Variants in COMMD10 observed in about 807,000 individuals in gnomAD.
COMMD10 encodes COMM domain containing 10, also known as COMM domain-containing protein 10.
COMMD10 carries 33 observed loss-of-function variants against 28.9 expected under a neutral mutation model. The ratio of observed to expected loss-of-function variants is 1.14; its 90% CI spans 0.87 to 1.53. The LOEUF is 1.53. Among genes scored for constraint, COMMD10 ranks in the 40% most tolerant of loss-of-function variants. COMMD10 has a pLI of 0.00. For synonymous variants in COMMD10, 110 were observed against 81.7 expected (o/e 1.35, Z -1.87); for missense variants, 310 against 233.4 (o/e 1.33, Z -2.14).
chr5:116,144,488 T>G (rs1202182508), intron 5 of COMMD10, among the ~76,000 whole-genome samples: 1 of 147,514 alleles, frequency 6.8e-6, no homozygotes, highest in African/African-American at 2.7e-5. Flanking sequence ...TGCTATAATT[T>G]GAACCCAGGT....
intron 4 of COMMD10, among the ~76,000 whole-genome samples, chr5:116,121,434 G>A (rs1339564573): frequency 1.3e-5 from 2 of 152,104 alleles, no homozygotes; most frequent in Non-Finnish European, 2.9e-5. Context: ...TAGTGCCGCA[G>A]TAAACATACA....
At chr5:116,122,491 T>C (rs1038874517) in intron 4 of COMMD10, among the ~76,000 whole-genome samples, 6 of 152,242 alleles carry the variant, frequency 3.9e-5, no homozygotes, top group Admixed American at 1.3e-4. Context: ...ATATGAACTT[T>C]AAAGTAGTTT....
In COMMD10 at chr5:116,163,889, A is replaced by G. The variant is rs57670293; in HGVS notation, c.510+29711A>G. Among the ~76,000 whole-genome samples the G allele has an allele frequency of 1.2e-3, 184 of 152,164 alleles. 2 individuals carry two copies. The highest frequency in any genetic ancestry group is 3.9e-3 in the African/African-American group (160 of 41,532). On this transcript the variant is annotated intron_variant, in intron 5 of 6. Transcript: ENST00000274458. ...TTCCATTTGTGTGAAATTTATGTATATTTTTGGTTTTGTCTTGTATATGAG... is the reference window on the plus strand; with the variant it reads ...TTCCATTTGTGTGAAATTTATGTATGTTTTTGGTTTTGTCTTGTATATGAG...
chr5:116,127,200 G>C (rs556606822), intron 4 of COMMD10, among the ~76,000 whole-genome samples: 61 of 152,252 alleles, frequency 4.0e-4, no homozygotes, highest in African/African-American at 1.4e-3. Context: ...GGCCATCAGA[G>C]AAATGCAAAT....
At chr5:116,256,643 T>C (rs1750293328) in intron 5 of COMMD10, among the ~76,000 whole-genome samples, 1 of 151,832 alleles carries the variant, frequency 6.6e-6, no homozygotes, top group South Asian at 2.1e-4. Flanking sequence ...GATTTTTTCA[T>C]ATTTTGTAAT....
Position 116,150,401 on chromosome 5 carries a change from C to G in COMMD10, c.510+16223C>G, listed in dbSNP as rs28881821. Reference sequence around the variant, plus strand: ...TTTTCCAATTCTGTGAAGAAAGTCACTGGTAGCTTGATGGGGATGGCATTG... The same window carrying G: ...TTTTCCAATTCTGTGAAGAAAGTCAGTGGTAGCTTGATGGGGATGGCATTG... On this transcript the variant is annotated intron_variant, in intron 5 of 6. Coordinates refer to ENST00000274458, the MANE Select transcript of COMMD10 (RefSeq NM_016144.4). Among the ~76,000 whole-genome samples the G allele has an allele frequency of 8.9e-4, 135 of 152,086 alleles. 1 individual carries two copies. Among genetic ancestry groups the G allele is most frequent in the Non-Finnish European group, 1.3e-3 (91 of 67,936 alleles).
At chr5:116,092,739 A>T in intron 4 of COMMD10, 39 bp downstream of exon 4, 2 of 1,410,840 alleles carry the variant, frequency 1.4e-6, no homozygotes, top group Non-Finnish European at 1.9e-6. Context: ...TTTCAATAAC[A>T]TATGGCATAA....
intron 5 of COMMD10, among the ~76,000 whole-genome samples, chr5:116,183,127 G>A (rs758579579): frequency 6.6e-6 from 1 of 152,030 alleles, no homozygotes; most frequent in Non-Finnish European, 1.5e-5. Flanking sequence ...CTAATATAAT[G>A]ATCATAAAGA....
intron 5 of COMMD10, among the ~76,000 whole-genome samples, chr5:116,184,077 T>TG (rs1748062123): frequency 6.6e-6 from 1 of 152,240 alleles, no homozygotes; most frequent in African/African-American, 2.4e-5. Context: ...CATGATGCTT[T>TG]GGGGAACAAA....
intron 5 of COMMD10, among the ~76,000 whole-genome samples, chr5:116,231,968 C>G (rs1749540726): frequency 6.6e-6 from 1 of 152,094 alleles, no homozygotes; most frequent in African/African-American, 2.4e-5. Context: ...TACTACTTCT[C>G]ACCCCCTCCA....
Position 116,292,489 on chromosome 5 carries a change from A to AT in COMMD10, c.*1dup. Reference sequence around the variant, plus strand: ...AAGCACAGCTGGATTCCCTTACATGATGTTTTCGAAGACTGTTTTTTTCAT... The same window carrying AT: ...AAGCACAGCTGGATTCCCTTACATGATTGTTTTCGAAGACTGTTTTTTTCAT... On this transcript the variant is annotated 3_prime_UTR_variant, in exon 7 of 7. Coordinates refer to ENST00000274458, the MANE Select transcript of COMMD10 (RefSeq NM_016144.4). The AT allele has an allele frequency of 1.3e-6, 2 of 1,577,206 alleles. No individual in the cohort carries two copies. The highest frequency in any genetic ancestry group is 1.7e-6 in the Non-Finnish European group (2 of 1,161,046).
intron 5 of COMMD10, among the ~76,000 whole-genome samples, chr5:116,194,682 A>C (rs1471833645): frequency 6.6e-6 from 1 of 152,154 alleles, no homozygotes; most frequent in Non-Finnish European, 1.5e-5. Flanking sequence ...GTAAGTTAAA[A>C]AATTACCAAC....
intron 4 of COMMD10, among the ~76,000 whole-genome samples, chr5:116,105,883 A>G (rs1333252729): frequency 6.6e-6 from 1 of 151,622 alleles, no homozygotes; most frequent in East Asian, 1.9e-4. Context: ...GGGTCTGTGT[A>G]TTTTGTTGAG....
At position 116,115,812 on chromosome 5, in the gene COMMD10, A is replaced by G. The variant is rs565019373; in HGVS notation, c.400-18256A>G. Reference sequence around the variant, plus strand: ...AAGGAAACGACTTGAGTTCTTTTATATATATTTTCTAAAATATTTTTACAA... The same window carrying G: ...AAGGAAACGACTTGAGTTCTTTTATGTATATTTTCTAAAATATTTTTACAA... On this transcript the variant is annotated intron_variant, in intron 4 of 6. Coordinates refer to ENST00000274458, the MANE Select transcript of COMMD10 (RefSeq NM_016144.4). Among the ~76,000 whole-genome samples the G allele has an allele frequency of 1.9e-3, 290 of 152,298 alleles. 2 individuals carry two copies. The highest frequency in any genetic ancestry group is 6.6e-3 in the African/African-American group (273 of 41,574).
At chr5:116,226,682 A>G (rs1416008153) in intron 5 of COMMD10, among the ~76,000 whole-genome samples, 5 of 152,086 alleles carry the variant, frequency 3.3e-5, no homozygotes, top group African/African-American at 4.8e-5. Context: ...CCTGAAGCCA[A>G]TACCTTGGGA....
chr5:116,132,372 C>T (rs1029711911), intron 4 of COMMD10, among the ~76,000 whole-genome samples: 20 of 152,108 alleles, frequency 1.3e-4, no homozygotes, highest in African/African-American at 4.1e-4. Context: ...GGCTTAGCCA[C>T]GGTCACATAG....
At chr5:116,166,499 A>T (rs961963523) in intron 5 of COMMD10, among the ~76,000 whole-genome samples, 11 of 152,190 alleles carry the variant, frequency 7.2e-5, no homozygotes, top group African/African-American at 2.7e-4. Context: ...CTGTTAAGGG[A>T]CAGACTGCCT....
At chr5:116,093,526 C>T (rs1190540249) in intron 4 of COMMD10, among the ~76,000 whole-genome samples, 2 of 152,158 alleles carry the variant, frequency 1.3e-5, no homozygotes, top group Admixed American at 6.5e-5. Context: ...CCATGGGCCC[C>T]GAGACTGGCA....
intron 4 of COMMD10, among the ~76,000 whole-genome samples, chr5:116,133,421 A>C (rs1751923769): frequency 1.3e-5 from 2 of 152,218 alleles, no homozygotes; most frequent in African/African-American, 4.8e-5. Flanking sequence ...TGTTCTGATT[A>C]GTTTCTGTCA....
Sources: allele counts gnomAD v4.1 joint callset (sites outside exome capture counted in the v4.1 genomes callset), GRCh38; gene constraint gnomAD v4.1.1; transcripts MANE v1.5; gene names NCBI Gene and HGNC (gene_info 2026-07-23, HGNC 2026-07-21).